The following AIF1 variants were observed in gnomAD, a reference collection of about 807,000 sequenced individuals.
The protein encoded by AIF1 is interferon gamma responsive transcript.
In AIF1, 21 loss-of-function variants were observed where a neutral mutation model predicts 20.6. That is an observed-to-expected ratio of 1.02 (90% confidence interval 0.72 to 1.47). The LOEUF (loss-of-function observed/expected upper bound fraction) is 1.47, where lower values mean the gene tolerates loss of function less well. Ranked by LOEUF, AIF1 falls within the 40% of genes most tolerant of loss-of-function variation. AIF1 has a pLI of 0.00. For synonymous variants in AIF1, 52 were observed against 65.8 expected, an observed-to-expected ratio of 0.79 and a Z score of 1.01; for missense variants, 161 against 170.5, an observed-to-expected ratio of 0.94 and a Z score of 0.31.
Position 31,616,190 on chromosome 6 carries a change from A to C in AIF1, c.196+45A>C. On this transcript the variant is annotated intron_variant, in intron 4 of 5. Coordinates refer to ENST00000376059, the MANE Select transcript of AIF1 (RefSeq NM_001623.5). The surrounding 1 kb of genome is among the most constrained non-coding windows in gnomAD (Gnocchi z 4.0). ...CGGGGGCAGGGTGGTGTGCAGGCCTAAGAAGACAGAGGTCTCTCCTACATG... is the reference window on the plus strand; with the variant it reads ...CGGGGGCAGGGTGGTGTGCAGGCCTCAGAAGACAGAGGTCTCTCCTACATG... 1.2e-6 allele frequency: 2 copies of C among 1,613,208 alleles called. No homozygotes were observed. Among genetic ancestry groups the C allele is most frequent in the East Asian group, 4.5e-5 (2 of 44,888 alleles).
At position 31,616,871 on chromosome 6, in the gene AIF1, G is replaced by T; in HGVS notation, c.415G>T (p.Ala139Ser). The change falls in exon 6 of 6, where the codon GCC (alanine) becomes TCC (serine). Residue 139 changes from alanine to serine, a missense_variant. By Grantham distance (99) the Ala-to-Ser change is moderately conservative. Coordinates refer to ENST00000376059, the MANE Select transcript of AIF1 (RefSeq NM_001623.5). The surrounding 1 kb of genome is among the most constrained non-coding windows in gnomAD (Gnocchi z 4.0). Reference protein sequence around the residue: ...REKEKPTGPPAKKAISELP With the variant: ...REKEKPTGPPSKKAISELP ...AAAGGAAAAGCCAACAGGCCCCCCAGCCAAGAAAGCTATCTCTGAGTTGCC... is the reference window on the plus strand; with the variant it reads ...AAAGGAAAAGCCAACAGGCCCCCCATCCAAGAAAGCTATCTCTGAGTTGCC... 3.1e-6 allele frequency: 5 copies of T among 1,614,204 alleles called. No individual in the cohort carries two copies. The highest frequency in any genetic ancestry group is 1.7e-4 in the Middle Eastern group (1 of 6,056).
At position 31,616,720 on chromosome 6, in the gene AIF1, C is replaced by T. The variant is rs1037146629; in HGVS notation, c.360-96C>T. The T allele has an allele frequency of 6.3e-7, 1 of 1,576,274 alleles. No individual in the cohort carries two copies. Among genetic ancestry groups the T allele is most frequent in the African/African-American group, 1.4e-5 (1 of 74,020 alleles). Reference sequence around the variant, plus strand: ...CTTCCTCTTCCCCCTTCCACCCTCACATCCCCATCCCCTTCTAGCCTTTCC... The same window carrying T: ...CTTCCTCTTCCCCCTTCCACCCTCATATCCCCATCCCCTTCTAGCCTTTCC... On this transcript the variant is annotated intron_variant, in intron 5 of 5. Transcript: ENST00000376059. This position sits in a 1 kb window ranked among gnomAD's most constrained non-coding sequence, Gnocchi z 4.0.
chr6:31,616,159 G>A lies in AIF1; in HGVS notation c.196+14G>A. ...ATGGCGATATTGGTGAGAAACGGGT[G>A]ATTTGCGGGGGCAGGGTGGTGTGCA... is the stretch of plus-strand genomic sequence containing the variant. On this transcript the variant is annotated intron_variant, in intron 4 of 5. Transcript: ENST00000376059. This position sits in a 1 kb window ranked among gnomAD's most constrained non-coding sequence, Gnocchi z 4.0. 1 of 1,611,174 alleles carries A rather than the reference G, an allele frequency of 6.2e-7. No individual in the cohort carries two copies. The highest frequency in any genetic ancestry group is 8.5e-7 in the Non-Finnish European group (1 of 1,178,828).
chr6:31,616,217 T>C lies in AIF1; in HGVS notation c.196+72T>C, dbSNP rs1207523652. 2 of 1,613,008 alleles carry C rather than the reference T, an allele frequency of 1.2e-6. No individual in the cohort carries two copies. Among genetic ancestry groups the C allele is most frequent in the East Asian group, 4.5e-5 (2 of 44,884 alleles). On this transcript the variant is annotated intron_variant, in intron 4 of 5. Coordinates refer to ENST00000376059, the MANE Select transcript of AIF1 (RefSeq NM_001623.5). This position sits in a 1 kb window ranked among gnomAD's most constrained non-coding sequence, Gnocchi z 4.0. ...GAAGACAGAGGTCTCTCCTACATGC[T>C]CCATTCCTCATGATTTGGGAGGGGG...
intron 1 of AIF1, 23 bp downstream of exon 1, chr6:31,615,377 C>T (rs774781507): frequency 2.5e-6 from 4 of 1,611,846 alleles, no homozygotes; most frequent in South Asian, 2.2e-5. Context: ...GGATAGGCAG[C>T]GGCATTAGAT....
chr6:31,616,748 G>C lies in AIF1; in HGVS notation c.360-68G>C. 2.5e-6 allele frequency: 4 copies of C among 1,609,642 alleles called. No individual in the cohort carries two copies. In the South Asian group the frequency reaches 4.4e-5, roughly 18 times the overall value. On this transcript the variant is annotated intron_variant, in intron 5 of 5. Coordinates refer to ENST00000376059, the MANE Select transcript of AIF1 (RefSeq NM_001623.5). This position sits in a 1 kb window ranked among gnomAD's most constrained non-coding sequence, Gnocchi z 4.0. ...CCCCATCCCCTTCTAGCCTTTCCTAGCACCCTATGATTTATTCCCTTGAGA... is the reference window on the plus strand; with the variant it reads ...CCCCATCCCCTTCTAGCCTTTCCTACCACCCTATGATTTATTCCCTTGAGA...
chr6:31,616,699 C>T lies in AIF1; in HGVS notation c.360-117C>T. 2 of 1,539,700 alleles carry T rather than the reference C, an allele frequency of 1.3e-6. No homozygotes were observed. The highest frequency in any genetic ancestry group is 1.2e-5 in the South Asian group (1 of 81,988). ...CCAGAAACTCCAACCCCTGCCCTTC[C>T]TCTTCCCCCTTCCACCCTCACATCC... is the stretch of plus-strand genomic sequence containing the variant. On this transcript the variant is annotated intron_variant, in intron 5 of 5. Coordinates refer to ENST00000376059, the MANE Select transcript of AIF1 (RefSeq NM_001623.5). This position sits in a 1 kb window ranked among gnomAD's most constrained non-coding sequence, Gnocchi z 4.0.
rs182941161 is a variant in AIF1 at position 31,615,974 on chromosome 6, T to C, written c.155-130T>C. 4.0e-6 allele frequency: 6 copies of C among 1,510,366 alleles called. No individual in the cohort carries two copies. The African/African-American group carries it at 8.4e-5, about 21-fold the overall frequency. The allele number at this position is 1,510,366 out of a possible 1,614,324, so 93.6% of individuals were successfully genotyped here. The stretch of plus-strand genomic sequence containing the variant: ...CCCTCAACTCCCCAACCCCACTTCC[T>C]CTGCCTGCCCCTCCTCCTCCTTCCA... On this transcript the variant is annotated intron_variant, in intron 3 of 5. Coordinates refer to ENST00000376059, the MANE Select transcript of AIF1 (RefSeq NM_001623.5).
At position 31,615,282 on chromosome 6, in the gene AIF1, G is replaced by A; in HGVS notation, c.-48G>A. On this transcript the variant is annotated 5_prime_UTR_variant, in exon 1 of 6. Coordinates refer to ENST00000376059, the MANE Select transcript of AIF1 (RefSeq NM_001623.5). ...AGAGAAGGAGAGCCTGCAGACAGAG[G>A]CCTCCAGCTTGGTCTGTCTCCCCAC... 6.3e-7 allele frequency: 1 copy of A among 1,594,816 alleles called. No individual in the cohort carries two copies. Among genetic ancestry groups the A allele is most frequent in the Non-Finnish European group, 8.6e-7 (1 of 1,169,020 alleles).
chr6:31,615,967 C>G, intron 3 of AIF1, 137 bp from the exon 4 acceptor site: 2 of 1,504,982 alleles, frequency 1.3e-6, no homozygotes, highest in Non-Finnish European at 1.8e-6. Context: ...TCCCCAACCC[C>G]ACTTCCTCTG....
In AIF1 at chr6:31,615,240, C is replaced by T; in HGVS notation, c.-90C>T. 1 of 1,606,290 alleles carries T rather than the reference C, an allele frequency of 6.2e-7. No individual in the cohort carries two copies. The highest frequency in any genetic ancestry group is 8.5e-7 in the Non-Finnish European group (1 of 1,176,320). ...AAGGGGAAGTTTGGGAGGAAGGCTTCTGAGAAGACTGGTGGGAGAGAAGGA... is the reference window on the plus strand; with the variant it reads ...AAGGGGAAGTTTGGGAGGAAGGCTTTTGAGAAGACTGGTGGGAGAGAAGGA... On this transcript the variant is annotated 5_prime_UTR_variant, in exon 1 of 6. Transcript: ENST00000376059.
Position 31,615,849 on chromosome 6 carries a change from A to T in AIF1, c.154+113A>T, listed in dbSNP as rs910089604. 4 of 1,516,680 alleles carry T rather than the reference A, an allele frequency of 2.6e-6. No homozygotes were observed. The African/African-American group carries it at 5.6e-5, about 21-fold the overall frequency. 94.0% of individuals were successfully genotyped at this position (1,516,680 alleles called of 1,614,324 possible). Reference sequence around the variant, plus strand: ...AAAAAGTTTACTTTTGTGGTAGCAAAAGGGGAACCTGCCTTTATTGCCCTC... The same window carrying T: ...AAAAAGTTTACTTTTGTGGTAGCAATAGGGGAACCTGCCTTTATTGCCCTC... On this transcript the variant is annotated intron_variant, in intron 3 of 5. Transcript: ENST00000376059.
rs1324486142 is a variant in AIF1, at chr6:31,615,716, C to G, written c.134C>G (p.Ser45Cys). The change falls in exon 3 of 6, where the codon TCC (serine) becomes TGC (cysteine). Residue 45 changes from serine (S) to cysteine (C), a missense_variant. Transcript: ENST00000376059. ...PKYSSDEDLP[S>C]KLEGFKEKYM... is the part of the protein sequence containing the mutation. ...TATAGCAGTGATGAGGATCTGCCCT[C>G]CAAACTGGAAGGCTTCAAAGGTGAG... 5.6e-6 allele frequency: 9 copies of G among 1,610,984 alleles called. No individual in the cohort carries two copies. The highest frequency in any genetic ancestry group is 7.6e-6 in the Non-Finnish European group (9 of 1,178,774).
Position 31,616,453 on chromosome 6 carries a change from C to T in AIF1, c.306C>T (p.Ser102=). The T allele has an allele frequency of 6.2e-7, 1 of 1,612,672 alleles. No individual in the cohort carries two copies. The highest frequency in any genetic ancestry group is 8.5e-7 in the Non-Finnish European group (1 of 1,179,836). ...EVSSGSGETF[S]YPDFLRMMLG... is the part of the protein sequence containing the mutation. ...CCAGTGGCTCCGGGGAGACGTTCAG[C>T]TACCCTGACTTTCTCAGGATGATGC... Residue 102 remains serine (S), a synonymous_variant, in exon 5 of 6, where the codon AGC becomes AGT. Transcript: ENST00000376059. This position sits in a 1 kb window ranked among gnomAD's most constrained non-coding sequence, Gnocchi z 4.0.
Position 31,616,594 on chromosome 6 carries a change from C to G in AIF1, c.359+88C>G. On this transcript the variant is annotated intron_variant, in intron 5 of 5. Transcript: ENST00000376059. The surrounding 1 kb of genome is among the most constrained non-coding windows in gnomAD (Gnocchi z 4.0). ...TGTCCACAGGCTCAACATTTCTACA[C>G]GTTGCCCATCATCCCTTCTTCCATC... is the stretch of plus-strand genomic sequence containing the variant. 1.3e-6 allele frequency: 2 copies of G among 1,523,200 alleles called. No individual in the cohort carries two copies. Among genetic ancestry groups the G allele is most frequent in the Admixed American group, 2.2e-5 (1 of 45,734 alleles). The allele number at this position is 1,523,200 out of a possible 1,614,324, so 94.4% of individuals were successfully genotyped here. A position where few individuals can be genotyped will look rare whatever the true frequency, so the allele number is the denominator to read the frequency against.
At chr6:31,615,934 A>C (rs945674979) in intron 3 of AIF1, 170 bp from the exon 4 acceptor site, 3 of 1,477,252 alleles carry the variant, frequency 2.0e-6, no homozygotes, top group Non-Finnish European at 2.7e-6. Context: ...CTAGCTCCTT[A>C]CACCCTAGCG....
In AIF1 at chr6:31,616,419, G is replaced by A; in HGVS notation, c.272G>A (p.Gly91Glu). 1.2e-6 allele frequency: 2 copies of A among 1,613,030 alleles called. No individual in the cohort carries two copies. The highest frequency in any genetic ancestry group is 1.7e-6 in the Non-Finnish European group (2 of 1,180,006). The change falls in exon 5 of 6, where the codon GGA becomes GAA. Residue 91 changes from glycine to glutamate, a missense_variant. Gly to Glu is a moderately conservative substitution (Grantham distance 98). Transcript: ENST00000376059. The surrounding 1 kb of genome is among the most constrained non-coding windows in gnomAD (Gnocchi z 4.0). The stretch of plus-strand genomic sequence containing the variant: ...CACCTAGAGCTAAAGAAATTAATTG[G>A]AGAGGTGTCCAGTGGCTCCGGGGAG... ...KTHLELKKLI[G>E]EVSSGSGETF...
In AIF1 at chr6:31,616,227, A is replaced by T. The variant is rs1371065720; in HGVS notation, c.196+82A>T. 1 of 1,613,000 alleles carries T rather than the reference A, an allele frequency of 6.2e-7. No individual in the cohort carries two copies. The highest frequency in any genetic ancestry group is 2.2e-5 in the East Asian group (1 of 44,886). ...GTCTCTCCTACATGCTCCATTCCTC[A>T]TGATTTGGGAGGGGGCCCACCTACC... On this transcript the variant is annotated intron_variant, in intron 4 of 5. Coordinates refer to ENST00000376059, the MANE Select transcript of AIF1 (RefSeq NM_001623.5). This position sits in a 1 kb window ranked among gnomAD's most constrained non-coding sequence, Gnocchi z 4.0.
chr6:31,616,551 C>T lies in AIF1; in HGVS notation c.359+45C>T, dbSNP rs1381683420. Reference sequence around the variant, plus strand: ...CTCCCCTGTACTTACCTGTTTTCTCCTCCCCCATCCCTACCCTTGTCCACA... The same window carrying T: ...CTCCCCTGTACTTACCTGTTTTCTCTTCCCCCATCCCTACCCTTGTCCACA... On this transcript the variant is annotated intron_variant, in intron 5 of 5. Coordinates refer to ENST00000376059, the MANE Select transcript of AIF1 (RefSeq NM_001623.5). This position sits in a 1 kb window ranked among gnomAD's most constrained non-coding sequence, Gnocchi z 4.0. 6.4e-7 allele frequency: 1 copy of T among 1,558,040 alleles called. No individual in the cohort carries two copies. The highest frequency in any genetic ancestry group is 2.2e-5 in the East Asian group (1 of 44,484).
Sources: allele counts gnomAD v4.1 joint callset, GRCh38; gene constraint gnomAD v4.1.1; non-coding constraint Gnocchi (gnomAD v3.1); transcripts MANE v1.5; gene names NCBI Gene and HGNC (gene_info 2026-07-23, HGNC 2026-07-21).